Variants in PHLDB1 observed in about 807,000 individuals in gnomAD.
The protein encoded by PHLDB1 is pleckstrin homology-like domain family B member 1.
A neutral mutation model predicts 139.3 loss-of-function variants in PHLDB1; 65 were observed. The ratio of observed to expected loss-of-function variants is 0.47; its 90% CI spans 0.38 to 0.57. PHLDB1 has a LOEUF of 0.57. Among genes scored for constraint, PHLDB1 ranks in the 20% least tolerant of loss-of-function variants. PHLDB1 has a pLI of 0.00. For synonymous variants in PHLDB1, 679 were observed against 734.5 expected (o/e 0.92, Z 1.22); for missense variants, 1,624 against 1,839.7 (o/e 0.88, Z 2.14).
Position 118,656,740 on chromosome 11 carries a change from G to C in PHLDB1, c.4051G>C (p.Val1351Leu), listed in dbSNP as rs1418985419. The change falls in exon 23 of 23, where the codon GTG (valine) becomes CTG (leucine). Residue 1351 changes from valine to leucine, a missense_variant. Transcript: ENST00000600882. ...VKTHDRLYYM[V>L]APSAEAMRIW... ...GACCCATGACCGGCTGTACTACATG[G>C]TGGCCCCATCTGCAGAGGCCATGCG... 16 of 1,613,694 alleles carry C rather than the reference G, an allele frequency of 9.9e-6. No homozygotes were observed. The highest frequency in any genetic ancestry group is 1.1e-5 in the South Asian group (1 of 91,078).
chr11:118,621,497 C>A (rs1268869818), intron 4 of PHLDB1: 6 of 152,204 alleles, frequency 3.9e-5, no homozygotes, highest in Admixed American at 3.9e-4. Flanking sequence ...CTGGAGGGCC[C>A]GAGCTAGCGG....
At chr11:118,655,404 G>T in intron 20 of PHLDB1, 1 of 504,082 alleles carries the variant, frequency 2.0e-6, no homozygotes, top group Non-Finnish European at 3.6e-6. Flanking sequence ...GTTCTGATTT[G>T]TATTTCTCTG....
At chr11:118,623,917 T>A (rs12420113) in intron 4 of PHLDB1, among the ~76,000 whole-genome samples, 79,147 of 144,114 alleles carry the variant, frequency 0.55, 21,505 homozygotes, top group Admixed American at 0.68. Context: ...TGTGTGTGTG[T>A]GAGACGGAGT....
chr11:118,627,137 G>A (rs911018950), intron 5 of PHLDB1, 168 bp from the exon 6 acceptor site: 9 of 640,050 alleles, frequency 1.4e-5, no homozygotes, highest in Middle Eastern at 3.9e-4. Flanking sequence ...ACTTGGCTAA[G>A]GTTGCATAGC....
chr11:118,644,784 C>G, intron 15 of PHLDB1: 1 of 809,962 alleles, frequency 1.2e-6, no homozygotes. Flanking sequence ...CCACTGCCTG[C>G]AGGCAGGGTC....
chr11:118,609,721 A>G (rs1939799497), intron 1 of PHLDB1, among the ~76,000 whole-genome samples: 1 of 152,192 alleles, frequency 6.6e-6, no homozygotes, highest in Non-Finnish European at 1.5e-5. Context: ...GCCGCTTGTC[A>G]GGGGCGGGCG....
In PHLDB1 at chr11:118,644,597, A is replaced by G. The variant is rs956258790; in HGVS notation, c.3121+423A>G. The G allele has an allele frequency of 2.5e-6, 3 of 1,195,372 alleles. No homozygotes were observed. The East Asian group carries it at 1.8e-4, about 72-fold the overall frequency. 74.0% of individuals were successfully genotyped at this position (1,195,372 alleles called of 1,614,324 possible). A position where few individuals can be genotyped will look rare whatever the true frequency, so the allele number is the denominator to read the frequency against. ...CATGTCTGTGCCTCTCTCTCCTCTT[A>G]CCCCCTCTGTGTCTCTACCGTACCC... On this transcript the variant is annotated intron_variant, in intron 15 of 22. Transcript: ENST00000600882.
At chr11:118,606,903 T>C (rs2135568327), upstream of PHLDB1, among the ~76,000 whole-genome samples, 1 of 152,244 alleles carries the variant, frequency 6.6e-6, no homozygotes, top group South Asian at 2.1e-4. Flanking sequence ...TGGAGCTCCA[T>C]GGGGGCAAGA....
In PHLDB1 at chr11:118,639,902, G is replaced by A. The variant is rs1170897354; in HGVS notation, c.2736+651G>A. 11 of 986,628 alleles carry A rather than the reference G, an allele frequency of 1.1e-5. No individual in the cohort carries two copies. In the East Asian group the frequency reaches 4.5e-4, roughly 41 times the overall value. 61.1% of individuals were successfully genotyped at this position (986,628 alleles called of 1,614,324 possible). A position where few individuals can be genotyped will look rare whatever the true frequency, so the allele number is the denominator to read the frequency against. ...CCGAGTCCTCAGAGATGGGGCTGGG[G>A]ACTAAGGCTCTGGGCCTTTTCCCAG... is the stretch of plus-strand genomic sequence containing the variant. On this transcript the variant is annotated intron_variant, in intron 12 of 22. Transcript: ENST00000600882.
At position 118,627,576 on chromosome 11, in the gene PHLDB1, C is replaced by T. The variant is rs782499635; in HGVS notation, c.753C>T (p.Thr251=). 7.4e-6 allele frequency: 12 copies of T among 1,614,002 alleles called. No homozygotes were observed. In the Admixed American group the frequency reaches 2.0e-4, roughly 27 times the overall value. ...AMSVGSSYEN[T]SPAFSPLSSP... is the part of the protein sequence containing the mutation. Reference sequence around the variant, plus strand: ...CTGTGGGCTCCAGCTATGAGAACACCTCTCCAGCCTTCTCTCCACTCTCTT... The same window carrying T: ...CTGTGGGCTCCAGCTATGAGAACACTTCTCCAGCCTTCTCTCCACTCTCTT... The change falls in exon 6 of 23, where the codon ACC becomes ACT. Residue 251 remains threonine, a synonymous_variant. Transcript: ENST00000600882.
Position 118,621,551 on chromosome 11 carries a change from C to CCCCGGGCCAGCCACAGT in PHLDB1, c.356-3379_356-3363dup, listed in dbSNP as rs1942801940. The stretch of plus-strand genomic sequence containing the variant: ...TCCGGTTTCGGCGGTGAGTCCTCAG[C>CCCCGGGCCAGCCACAGT]CCCGGGCCAGCCACAGTCCCCAAGC... On this transcript the variant is annotated intron_variant, in intron 4 of 22. Coordinates refer to ENST00000600882, the MANE Select transcript of PHLDB1 (RefSeq NM_001144758.3). 3 of 152,432 alleles carry CCCCGGGCCAGCCACAGT rather than the reference C, an allele frequency of 2.0e-5. No individual in the cohort carries two copies. The South Asian group carries it at 6.2e-4, about 32-fold the overall frequency. The allele number at this position is 152,432 out of a possible 1,614,324, so 9.4% of individuals were successfully genotyped here. A position where few individuals can be genotyped will look rare whatever the true frequency, so the allele number is the denominator to read the frequency against.
At chr11:118,609,676 C>T (rs922113204) in intron 1 of PHLDB1, among the ~76,000 whole-genome samples, 2 of 152,256 alleles carry the variant, frequency 1.3e-5, no homozygotes, top group Non-Finnish European at 2.9e-5. Context: ...GCCGCGCAAA[C>T]AAGCGGCTCC....
Position 118,610,518 on chromosome 11 carries a change from G to A in PHLDB1, c.-22+2819G>A. 2.0e-6 allele frequency: 2 copies of A among 980,692 alleles called. No individual in the cohort carries two copies. The highest frequency in any genetic ancestry group is 1.7e-5 in the African/African-American group (1 of 57,274). 60.7% of individuals were successfully genotyped at this position (980,692 alleles called of 1,614,324 possible). Reference sequence around the variant, plus strand: ...GGGCCGAGGCCGAGGCCGACCCCCAGGGACACAGGTGAGGCCGGGCGACCC... The same window carrying A: ...GGGCCGAGGCCGAGGCCGACCCCCAAGGACACAGGTGAGGCCGGGCGACCC... On this transcript the variant is annotated intron_variant, in intron 1 of 22. Transcript: ENST00000600882. This position sits in a 1 kb window ranked among gnomAD's most constrained non-coding sequence, Gnocchi z 8.7.
At chr11:118,607,424 G>A (rs1939365790), upstream of PHLDB1, among the ~76,000 whole-genome samples, 1 of 145,736 alleles carries the variant, frequency 6.9e-6, no homozygotes, top group Non-Finnish European at 1.5e-5. Context: ...AACAAAGCGG[G>A]CGCTGTGCAG....
At chr11:118,630,622 G>A (rs552940561) in intron 6 of PHLDB1, among the ~76,000 whole-genome samples, 1 of 152,262 alleles carries the variant, frequency 6.6e-6, no homozygotes, top group African/African-American at 2.4e-5. Flanking sequence ...TTATCTGTGA[G>A]TGTGCATCAG....
Position 118,657,967 on chromosome 11 carries a change from G to T in PHLDB1, c.*1144G>T. 1 of 296,596 alleles carries T rather than the reference G, an allele frequency of 3.4e-6. No individual in the cohort carries two copies. The highest frequency in any genetic ancestry group is 6.4e-6 in the Non-Finnish European group (1 of 156,854). The allele number at this position is 296,596 out of a possible 1,614,324, so 18.4% of individuals were successfully genotyped here. ...TGAGCCCTTGGTTGCCTGGGCCCAG[G>T]CTGGGGGTTTTCAGTATTTGTAAGC... On this transcript the variant is annotated 3_prime_UTR_variant, in exon 23 of 23. Transcript: ENST00000600882.
In PHLDB1 at chr11:118,627,784, A is replaced by T. The variant is rs1555104038; in HGVS notation, c.961A>T (p.Arg321Trp). 6.2e-7 allele frequency: 1 copy of T among 1,605,644 alleles called. No individual in the cohort carries two copies. The highest frequency in any genetic ancestry group is 8.5e-7 in the Non-Finnish European group (1 of 1,179,652). ...PRLSRKGGHERPPSPGLRGLL... is the reference protein window; with the variant it reads ...PRLSRKGGHEWPPSPGLRGLL... ...GCTGAGCAGGAAAGGGGGCCATGAG[A>T]GGCCTCCCAGCCCTGGCCTCCGGGG... The change falls in exon 6 of 23, where the codon AGG (arginine) becomes TGG (tryptophan). Residue 321 changes from arginine to tryptophan, a missense_variant. Physicochemically the swap from Arg to Trp is moderately radical, Grantham distance 101. Coordinates refer to ENST00000600882, the MANE Select transcript of PHLDB1 (RefSeq NM_001144758.3).
intron 13 of PHLDB1, 65 bp downstream of exon 13, chr11:118,642,459 C>T: frequency 6.5e-7 from 1 of 1,533,272 alleles, no homozygotes; most frequent in Non-Finnish European, 8.9e-7. Flanking sequence ...TACCTCCTGC[C>T]AATCCATCAG....
Position 118,620,086 on chromosome 11 carries a change from G to T in PHLDB1, c.355+3875G>T, listed in dbSNP as rs1942456238. 6.6e-6 allele frequency among the ~76,000 whole-genome samples: 1 copy of T among 152,260 alleles called. No homozygotes were observed. The highest frequency in any genetic ancestry group is 6.5e-5 in the Admixed American group (1 of 15,288). Reference sequence around the variant, plus strand: ...TATCTGAGAGACACTGTGTCAGGCTGTGTGAGCTGCTGAGAGCATAAAACA... The same window carrying T: ...TATCTGAGAGACACTGTGTCAGGCTTTGTGAGCTGCTGAGAGCATAAAACA... On this transcript the variant is annotated intron_variant, in intron 4 of 22. Coordinates refer to ENST00000600882, the MANE Select transcript of PHLDB1 (RefSeq NM_001144758.3). The surrounding 1 kb of genome is among the most constrained non-coding windows in gnomAD (Gnocchi z 4.1).
Sources: allele counts gnomAD v4.1 joint callset (sites outside exome capture counted in the v4.1 genomes callset), GRCh38; gene constraint gnomAD v4.1.1; non-coding constraint Gnocchi (gnomAD v3.1); transcripts MANE v1.5; gene names NCBI Gene and HGNC (gene_info 2026-07-23, HGNC 2026-07-21).